Variants in PRR16 observed in about 807,000 individuals in gnomAD.
The protein encoded by PRR16 is protein Largen.
PRR16 carries 6 observed loss-of-function variants against 18.2 expected under a neutral mutation model. That is an observed-to-expected ratio of 0.33 (90% confidence interval 0.18 to 0.65). PRR16 has a LOEUF of 0.65. Among genes scored for constraint, PRR16 ranks in the 30% least tolerant of loss-of-function variants. The pLI is 0.74. For missense variants in PRR16, 412 were observed against 376.6 expected (o/e 1.09, Z -0.78); for synonymous variants, 151 against 147.8 (o/e 1.02, Z -0.16).
intron 1 of PRR16, among the ~76,000 whole-genome samples, chr5:120,637,339 A>AAC (rs1654139660): frequency 1.3e-5 from 2 of 150,756 alleles, no homozygotes; most frequent in Admixed American, 6.6e-5. Flanking sequence ...AAAAAAAAAA[A>AAC]AAAACTTGCA....
At chr5:120,567,761 A>G (rs965755686) in intron 1 of PRR16, among the ~76,000 whole-genome samples, 6 of 152,082 alleles carry the variant, frequency 3.9e-5, no homozygotes, top group Non-Finnish European at 1.5e-5. Context: ...CCATAAGTGT[A>G]AGTTTCTTCA....
intron 1 of PRR16, among the ~76,000 whole-genome samples, chr5:120,554,469 G>T (rs1351784559): frequency 6.6e-6 from 1 of 151,796 alleles, no homozygotes; most frequent in Admixed American, 6.6e-5. Flanking sequence ...TTTAATGAAG[G>T]TATGAGACAA....
intron 1 of PRR16, among the ~76,000 whole-genome samples, chr5:120,588,657 G>GA (rs1261698645): frequency 2.0e-5 from 3 of 152,220 alleles, no homozygotes; most frequent in South Asian, 2.1e-4. Context: ...GTGGGAAACA[G>GA]AAAAAATAGT....
intron 1 of PRR16, among the ~76,000 whole-genome samples, chr5:120,514,735 T>G (rs1226122150): frequency 1.3e-5 from 2 of 152,226 alleles, no homozygotes; most frequent in African/African-American, 4.8e-5. Flanking sequence ...CACAATGTCC[T>G]TTTTTGTCCA....
intron 1 of PRR16, among the ~76,000 whole-genome samples, chr5:120,553,359 A>G (rs1334157982): frequency 1.3e-5 from 2 of 151,922 alleles, no homozygotes; most frequent in Non-Finnish European, 2.9e-5. Flanking sequence ...ATTATTGTCC[A>G]CAGTTTATCA....
intron 1 of PRR16, among the ~76,000 whole-genome samples, chr5:120,530,285 T>TATATATATATATATATATATATA (rs375750842): frequency 2.4e-5 from 2 of 84,436 alleles, no homozygotes; most frequent in African/African-American, 5.2e-5. Context: ...ATATATATAT[T>TATATATATATATATATATATATA]TATTTATTTA....
rs575003621 is a variant in PRR16 at position 120,507,747 on chromosome 5, T to A, written c.159+43102T>A. ...AGGCACGCTAGTTAACCATTTTTTT[T>A]AAGGTTGGTCTGAATTGTTAAATAT... On this transcript the variant is annotated intron_variant, in intron 1 of 1. Coordinates refer to ENST00000407149, the MANE Select transcript of PRR16 (RefSeq NM_001300783.2). Among the ~76,000 whole-genome samples the A allele has an allele frequency of 9.9e-5, 15 of 152,210 alleles. No homozygotes were observed. In the East Asian group the frequency reaches 2.7e-3, roughly 27 times the overall value.
the PRR16 span, among the ~76,000 whole-genome samples, chr5:120,761,513 A>C: frequency 1.3e-5 from 2 of 152,152 alleles, no homozygotes; most frequent in Non-Finnish European, 2.9e-5. Flanking sequence ...GTTTAGATCT[A>C]CTAGTTAGAG....
chr5:120,777,544 T>C, the PRR16 span, among the ~76,000 whole-genome samples: 2 of 152,126 alleles, frequency 1.3e-5, no homozygotes, highest in Non-Finnish European at 2.9e-5. Context: ...AGTTTTGTCC[T>C]TTATGGTTTA....
intron 1 of PRR16, among the ~76,000 whole-genome samples, chr5:120,576,078 G>T (rs1175016400): frequency 6.6e-6 from 1 of 152,094 alleles, no homozygotes; most frequent in African/African-American, 2.4e-5. Flanking sequence ...AAAACTATAA[G>T]CATAAAGGAC....
chr5:120,543,680 C>T (rs10063637), intron 1 of PRR16, among the ~76,000 whole-genome samples: 30,767 of 152,088 alleles, frequency 0.2, 3,241 homozygotes, highest in Non-Finnish European at 0.21. Flanking sequence ...ATCATTTACA[C>T]ATAACCACAT....
intron 1 of PRR16, among the ~76,000 whole-genome samples, chr5:120,570,184 G>T (rs1277207418): frequency 6.6e-6 from 1 of 152,036 alleles, no homozygotes; most frequent in East Asian, 1.9e-4. Context: ...CCCAAAAGCT[G>T]CAGCAAAGAT....
chr5:120,678,524 A>G (rs1756877005), intron 1 of PRR16, among the ~76,000 whole-genome samples: 3 of 152,150 alleles, frequency 2.0e-5, no homozygotes, highest in African/African-American at 7.2e-5. Context: ...ACGTGCTTAT[A>G]TGTTCTGAGG....
intron 1 of PRR16, among the ~76,000 whole-genome samples, chr5:120,496,074 A>G (rs1417979817): frequency 5.9e-5 from 9 of 151,756 alleles, no homozygotes; most frequent in African/African-American, 2.2e-4. Context: ...CGATTATGTG[A>G]TTTTTCTTCT....
At chr5:120,587,739 T>C (rs1357406455) in intron 1 of PRR16, among the ~76,000 whole-genome samples, 1 of 152,220 alleles carries the variant, frequency 6.6e-6, no homozygotes, top group Admixed American at 6.6e-5. Flanking sequence ...AAATTAATGT[T>C]GTTTTCATGC....
chr5:120,616,541 T>C (rs971623711), intron 1 of PRR16, among the ~76,000 whole-genome samples: 10 of 152,188 alleles, frequency 6.6e-5, no homozygotes, highest in African/African-American at 2.4e-4. Context: ...TTAGGTTTCC[T>C]GATGCAAGGT....
the PRR16 span, among the ~76,000 whole-genome samples, chr5:120,793,046 G>T: frequency 1.6e-4 from 24 of 150,168 alleles, 1 homozygote; most frequent in South Asian, 5.0e-3. Flanking sequence ...CAGCTACTTG[G>T]TTAGCTGAGG....
chr5:120,530,988 G>A (rs1313500206), intron 1 of PRR16, among the ~76,000 whole-genome samples: 2 of 152,194 alleles, frequency 1.3e-5, no homozygotes, highest in African/African-American at 4.8e-5. Context: ...AACAGAAATA[G>A]ATATACAGTT....
At chr5:120,779,228 G>A in the PRR16 span, among the ~76,000 whole-genome samples, 1,217 of 152,282 alleles carry the variant, frequency 8.0e-3, 7 homozygotes, top group Middle Eastern at 0.027. Flanking sequence ...TCTGTAAGCA[G>A]CACATCAGTG....
Sources: gnomAD v4.1 joint callset for allele counts (sites outside exome capture counted in the v4.1 genomes callset) on GRCh38, gnomAD v4.1.1 for gene constraint, MANE v1.5 for transcripts, NCBI Gene and HGNC (gene_info 2026-07-23, HGNC 2026-07-21) for gene names.